Variants in ADAMTS2 observed in about 807,000 individuals in gnomAD.
ADAMTS2 encodes the protein ADAM metallopeptidase with thrombospondin type 1 motif 2, also known as A disintegrin and metalloproteinase with thrombospondin motifs 2.
ADAMTS2 carries 50 observed loss-of-function variants against 123.0 expected under a neutral mutation model. That is an observed-to-expected ratio of 0.41 (90% CI 0.32 to 0.51). The LOEUF is 0.51. ADAMTS2 is among the 20% of genes least tolerant of loss of function. ADAMTS2 has a pLI of 0.35. For missense variants in ADAMTS2, 1,494 were observed against 1,705.2 expected (o/e 0.88, Z 2.18); for synonymous variants, 678 against 695.4 (o/e 0.98, Z 0.39).
intron 3 of ADAMTS2, among the ~76,000 whole-genome samples, chr5:179,241,581 T>C (rs1765672774): frequency 6.6e-6 from 1 of 152,236 alleles, no homozygotes. Context: ...ATTCTGTAAT[T>C]TCAGTGTATT....
At chr5:179,131,095 G>A (rs1452552603) in intron 15 of ADAMTS2, among the ~76,000 whole-genome samples, 6 of 151,896 alleles carry the variant, frequency 4.0e-5, no homozygotes, top group African/African-American at 9.7e-5. Flanking sequence ...GGCGGATCAC[G>A]AGGTCAGGAA....
intron 5 of ADAMTS2, among the ~76,000 whole-genome samples, chr5:179,171,845 G>C (rs755577978): frequency 6.6e-6 from 1 of 152,258 alleles, no homozygotes; most frequent in East Asian, 1.9e-4. Flanking sequence ...GAATTCCCGG[G>C]GTCTGACAGA....
chr5:179,212,466 C>T (rs13188107), intron 3 of ADAMTS2, among the ~76,000 whole-genome samples: 4 of 39,430 alleles, frequency 1.0e-4, no homozygotes, highest in Admixed American at 5.8e-4. Flanking sequence ...TCAGTGGGCA[C>T]GTGTGGGCCC....
chr5:179,198,406 C>T (rs941389429), intron 4 of ADAMTS2, among the ~76,000 whole-genome samples: 4 of 152,214 alleles, frequency 2.6e-5, no homozygotes, highest in Non-Finnish European at 5.9e-5. Flanking sequence ...ACCCCTCTGC[C>T]CTTAGACGGG....
intron 3 of ADAMTS2, among the ~76,000 whole-genome samples, chr5:179,259,886 G>A (rs1481902590): frequency 6.6e-6 from 1 of 152,240 alleles, no homozygotes; most frequent in Non-Finnish European, 1.5e-5. Flanking sequence ...ACCACAGGGA[G>A]GAAGCAGAGT....
chr5:179,189,376 C>A lies in ADAMTS2; in HGVS notation c.892-8221G>T, dbSNP rs1458985862. 6.7e-6 allele frequency among the ~76,000 whole-genome samples: 1 copy of A among 150,356 alleles called. No homozygotes were observed. Among genetic ancestry groups the A allele is most frequent in the Non-Finnish European group, 1.5e-5 (1 of 67,698 alleles). ...TTTTTTTTTTTTTTTGAGACGGAGT[C>A]TCTCTCTGTTGCCCAGGTTGGAGTG... is the stretch of plus-strand genomic sequence containing the variant. On this transcript the variant is annotated intron_variant, in intron 4 of 21. Coordinates refer to ENST00000251582, the MANE Select transcript of ADAMTS2 (RefSeq NM_014244.5). This position sits in a 1 kb window ranked among gnomAD's most constrained non-coding sequence, Gnocchi z 4.2.
At chr5:179,126,900 GGT>G (rs35269889) in intron 17 of ADAMTS2, among the ~76,000 whole-genome samples, 65,808 of 151,950 alleles carry the variant, frequency 0.43, 15,020 homozygotes, top group Non-Finnish European at 0.5. Context: ...GGTGGGACAT[GGT>G]GTGTATCCAG....
intron 2 of ADAMTS2, among the ~76,000 whole-genome samples, chr5:179,306,574 G>A (rs917563374): frequency 1.3e-5 from 2 of 152,128 alleles, no homozygotes; most frequent in African/African-American, 4.8e-5. Flanking sequence ...ACCTTGGGTT[G>A]AGTCCTAGAC....
chr5:179,264,951 AGCG>A (rs1766326120), intron 3 of ADAMTS2, among the ~76,000 whole-genome samples: 1 of 62,682 alleles, frequency 1.6e-5, no homozygotes, highest in Admixed American at 1.5e-4. Context: ...CCCCTGCACC[AGCG>A]CTGACCCCTG....
chr5:179,122,546 C>G, intron 20 of ADAMTS2, 98 bp downstream of exon 20: 2 of 1,493,614 alleles, frequency 1.3e-6, no homozygotes, highest in Non-Finnish European at 9.0e-7. Flanking sequence ...TCCAGCTACT[C>G]TCCGGGAAGA....
rs143677847 is a variant in ADAMTS2 at position 179,189,906 on chromosome 5, G to A, written c.892-8751C>T. On this transcript the variant is annotated intron_variant, in intron 4 of 21. Coordinates refer to ENST00000251582, the MANE Select transcript of ADAMTS2 (RefSeq NM_014244.5). This position sits in a 1 kb window ranked among gnomAD's most constrained non-coding sequence, Gnocchi z 4.2. ...ATTCACAAGGGCGGGTCCGGCGGGG[G>A]CGGGTGGCAATATCACAAAGTACAT... 4.6e-3 allele frequency among the ~76,000 whole-genome samples: 699 copies of A among 151,934 alleles called. 4 individuals are homozygous for A. Among genetic ancestry groups the A allele is most frequent in the Middle Eastern group, 0.02 (6 of 294 alleles).
chr5:179,345,460 G>T lies in ADAMTS2; in HGVS notation c.-132C>A. ...CACCGCAGGGCGCGGGGCGGAGGAG[G>T]CGAGGCGCGGAGGGGCGGGCGGGGG... On this transcript the variant is annotated 5_prime_UTR_variant, in exon 1 of 22. Transcript: ENST00000251582. The surrounding 1 kb of genome is among the most constrained non-coding windows in gnomAD (Gnocchi z 7.5). The T allele has an allele frequency of 1.2e-6, 1 of 859,334 alleles. No homozygotes were observed. The highest frequency in any genetic ancestry group is 1.4e-6 in the Non-Finnish European group (1 of 699,074). The allele number at this position is 859,334 out of a possible 1,614,324, so 53.2% of individuals were successfully genotyped here.
intron 4 of ADAMTS2, among the ~76,000 whole-genome samples, chr5:179,184,242 G>A (rs889165788): frequency 6.6e-6 from 1 of 152,168 alleles, no homozygotes; most frequent in Admixed American, 6.5e-5. Context: ...GCCAGGCGCA[G>A]TGGCTCACGC....
At position 179,188,805 on chromosome 5, in the gene ADAMTS2, C is replaced by T. The variant is rs931397444; in HGVS notation, c.892-7650G>A. Among the ~76,000 whole-genome samples, 1 of 152,152 alleles carries T rather than the reference C, an allele frequency of 6.6e-6. No individual in the cohort carries two copies. Among genetic ancestry groups the T allele is most frequent in the East Asian group, 1.9e-4 (1 of 5,186 alleles). On this transcript the variant is annotated intron_variant, in intron 4 of 21. Coordinates refer to ENST00000251582, the MANE Select transcript of ADAMTS2 (RefSeq NM_014244.5). The surrounding 1 kb of genome is among the most constrained non-coding windows in gnomAD (Gnocchi z 5.1). ...GCCTCAGGGTGGGGACGGGGCTCCT[C>T]CACTTCCAGGCCAGCTCATCAATGC...
Position 179,256,073 on chromosome 5 carries a change from G to A in ADAMTS2, c.688+16838C>T, listed in dbSNP as rs375728229. Among the ~76,000 whole-genome samples, 96 of 152,260 alleles carry A rather than the reference G, an allele frequency of 6.3e-4. No individual in the cohort carries two copies. The highest frequency in any genetic ancestry group is 1.2e-3 in the Non-Finnish European group (83 of 68,018). On this transcript the variant is annotated intron_variant, in intron 3 of 21. Coordinates refer to ENST00000251582, the MANE Select transcript of ADAMTS2 (RefSeq NM_014244.5). This position sits in a 1 kb window ranked among gnomAD's most constrained non-coding sequence, Gnocchi z 4.1. ...TCCCGCAGCTTGGCCTTGGTCCACC[G>A]TGGACAGCGTCTCTGACACGGTCCT...
Position 179,187,329 on chromosome 5 carries a change from C to G in ADAMTS2, c.892-6174G>C, listed in dbSNP as rs186583111. ...TCTGGCCCTGCTGAGTCTTCTCGGG[C>G]TGCCCTGGCCCTGCTCCCTGTGCTC... is the stretch of plus-strand genomic sequence containing the variant. On this transcript the variant is annotated intron_variant, in intron 4 of 21. Coordinates refer to ENST00000251582, the MANE Select transcript of ADAMTS2 (RefSeq NM_014244.5). Among the ~76,000 whole-genome samples, 13 of 152,346 alleles carry G rather than the reference C, an allele frequency of 8.5e-5. No individual in the cohort carries two copies. The East Asian group carries it at 2.5e-3, about 29-fold the overall frequency.
In ADAMTS2 at chr5:179,305,913, C is replaced by T. The variant is rs188702183; in HGVS notation, c.535-32849G>A. Reference sequence around the variant, plus strand: ...TGATTTCCTCAAAAACTATAAGCTACCAAAACTTACCCAAGACAAAGTAGA... The same window carrying T: ...TGATTTCCTCAAAAACTATAAGCTATCAAAACTTACCCAAGACAAAGTAGA... On this transcript the variant is annotated intron_variant, in intron 2 of 21. Transcript: ENST00000251582. Among the ~76,000 whole-genome samples, 8 of 152,130 alleles carry T rather than the reference C, an allele frequency of 5.3e-5. No individual in the cohort carries two copies. In the East Asian group the frequency reaches 1.2e-3, roughly 22 times the overall value.
Position 179,122,694 on chromosome 5 carries a change from T to G in ADAMTS2, c.3038A>C (p.Gln1013Pro), listed in dbSNP as rs371013989. Residue 1013 changes from glutamine (Q) to proline (P), a missense_variant, in exon 20 of 22, where the codon CAG becomes CCG. By Grantham distance (76) the Gln-to-Pro change is moderately conservative (BLOSUM62 -1). Coordinates refer to ENST00000251582, the MANE Select transcript of ADAMTS2 (RefSeq NM_014244.5). ...CCTCGCTGTCTCAGGACGCTCCTCC[T>G]GGCAGATGCCGAAGCTGTCGTCCGC... ...RTADDSFGIC[Q>P]EERPETARTC... 3.9e-5 allele frequency: 61 copies of G among 1,551,560 alleles called. No individual in the cohort carries two copies. Among genetic ancestry groups the G allele is most frequent in the Non-Finnish European group, 4.1e-5 (47 of 1,147,550 alleles).
rs78025962 is a variant in ADAMTS2, at chr5:179,241,386, C to T, written c.688+31525G>A. Among the ~76,000 whole-genome samples, 365 of 152,338 alleles carry T rather than the reference C, an allele frequency of 2.4e-3. 2 individuals are homozygous for T. The highest frequency in any genetic ancestry group is 5.1e-3 in the African/African-American group (213 of 41,562). ...GCACACACTGCCAGAGATGACCTCACGCTGGTGGAAAACGAGGAGACAGCA... is the reference window on the plus strand; with the variant it reads ...GCACACACTGCCAGAGATGACCTCATGCTGGTGGAAAACGAGGAGACAGCA... On this transcript the variant is annotated intron_variant, in intron 3 of 21. Coordinates refer to ENST00000251582, the MANE Select transcript of ADAMTS2 (RefSeq NM_014244.5).
Sources: gnomAD v4.1 joint callset for allele counts (sites outside exome capture counted in the v4.1 genomes callset) on GRCh38, gnomAD v4.1.1 for gene constraint, Gnocchi (gnomAD v3.1) non-coding constraint, MANE v1.5 for transcripts, NCBI Gene and HGNC (gene_info 2026-07-23, HGNC 2026-07-21) for gene names.